MMP26: variants seen among roughly 807,000 people sequenced by gnomAD.
MMP26 encodes the protein matrix metallopeptidase 26.
In MMP26, 33 loss-of-function variants were observed where a neutral mutation model predicts 31.0. The observed-to-expected ratio is 1.06, with a 90% CI of 0.81 to 1.42. The LOEUF (loss-of-function observed/expected upper bound fraction) is 1.42, where lower values mean the gene tolerates loss of function less well. Among genes scored for constraint, MMP26 ranks in the 40% most tolerant of loss-of-function variants. The pLI is 0.00. For missense variants in MMP26, 347 were observed against 316.1 expected (o/e 1.10, Z -0.74); for synonymous variants, 122 against 114.9 (o/e 1.06, Z -0.40).
At chr11:4,869,162 G>A (rs1850278059) in intron 2 of MMP26, among the ~76,000 whole-genome samples, 1 of 152,124 alleles carries the variant, frequency 6.6e-6, no homozygotes, top group African/African-American at 2.4e-5. Context: ...CATGGGCAAG[G>A]ACATCATGTC....
At chr11:4,789,131 T>C (rs1294599405) in intron 2 of MMP26, among the ~76,000 whole-genome samples, 1 of 152,202 alleles carries the variant, frequency 6.6e-6, no homozygotes, top group Admixed American at 6.5e-5. Flanking sequence ...TGAAAAATAG[T>C]AGTTTCTAAT....
chr11:4,804,125 C>T, intron 2 of MMP26: 2 of 1,614,062 alleles, frequency 1.2e-6, no homozygotes, highest in South Asian at 1.1e-5. Context: ...CAGAATATGG[C>T]CAACATCTTA....
rs115263833 is a variant in MMP26, at chr11:4,731,493, T to G, written c.-217+26448T>G. 5.3e-3 allele frequency among the ~76,000 whole-genome samples: 807 copies of G among 152,296 alleles called. 5 individuals carry two copies. The highest frequency in any genetic ancestry group is 0.019 in the African/African-American group (769 of 41,560). Reference sequence around the variant, plus strand: ...ATAAGGACTACGGCTAGCTAGGACATCTGGCACTGATCTGTCTGTACCCTG... The same window carrying G: ...ATAAGGACTACGGCTAGCTAGGACAGCTGGCACTGATCTGTCTGTACCCTG... On this transcript the variant is annotated intron_variant, in intron 1 of 7. Transcript: ENST00000380390.
At chr11:4,803,508 G>A in intron 2 of MMP26, 1 of 1,614,086 alleles carries the variant, frequency 6.2e-7, no homozygotes. Flanking sequence ...AAATGATGGG[G>A]TTGAGCATGG....
chr11:4,945,453 G>A (rs1324151818), intron 2 of MMP26: 2 of 152,666 alleles, frequency 1.3e-5, no homozygotes, highest in African/African-American at 2.4e-5. Flanking sequence ...GTTCCTTATT[G>A]ATTTAACTGT....
At chr11:4,798,696 G>A (rs919570510) in intron 2 of MMP26, among the ~76,000 whole-genome samples, 1 of 152,178 alleles carries the variant, frequency 6.6e-6, no homozygotes, top group Admixed American at 6.5e-5. Context: ...AGAACAGAAT[G>A]GAACAAATAC....
At chr11:4,767,802 A>C (rs1275715298) in intron 2 of MMP26, among the ~76,000 whole-genome samples, 1 of 152,124 alleles carries the variant, frequency 6.6e-6, no homozygotes, top group Non-Finnish European at 1.5e-5. Context: ...TCTTCCACCT[A>C]TCACTATTTT....
chr11:4,759,272 A>G (rs577734194), intron 1 of MMP26, among the ~76,000 whole-genome samples: 25 of 152,208 alleles, frequency 1.6e-4, no homozygotes, highest in Non-Finnish European at 3.1e-4. Context: ...AACAAAGATT[A>G]GTAAGGATTG....
intron 2 of MMP26, among the ~76,000 whole-genome samples, chr11:4,870,044 G>C (rs1002669446): frequency 6.6e-6 from 1 of 152,110 alleles, no homozygotes; most frequent in African/African-American, 2.4e-5. Context: ...GACACAGGTT[G>C]GGGAACATCA....
chr11:4,826,172 G>A (rs1014443971), intron 2 of MMP26, among the ~76,000 whole-genome samples: 17 of 152,046 alleles, frequency 1.1e-4, no homozygotes, highest in Non-Finnish European at 2.5e-4. Flanking sequence ...AAGGCCTTCC[G>A]TAAGAAGGTG....
At chr11:4,853,922 A>G (rs957764252) in intron 2 of MMP26, among the ~76,000 whole-genome samples, 8 of 152,194 alleles carry the variant, frequency 5.3e-5, no homozygotes, top group East Asian at 1.9e-4. Context: ...TAAAAAAAAA[A>G]TTCTGCACTG....
intron 2 of MMP26, among the ~76,000 whole-genome samples, chr11:4,925,148 A>G (rs189193882): frequency 1.3e-5 from 2 of 152,190 alleles, no homozygotes; most frequent in African/African-American, 4.8e-5. Context: ...TCTTAGGAGC[A>G]TAGTACAGGT....
At chr11:4,798,969 T>A (rs561635918) in intron 2 of MMP26, among the ~76,000 whole-genome samples, 52 of 152,208 alleles carry the variant, frequency 3.4e-4, no homozygotes, top group Non-Finnish European at 5.6e-4. Flanking sequence ...GAAAAGCTGA[T>A]GTACCAGGAG....
intron 2 of MMP26, among the ~76,000 whole-genome samples, chr11:4,964,070 C>T (rs772156892): frequency 1.3e-5 from 2 of 152,054 alleles, no homozygotes; most frequent in South Asian, 4.1e-4. Context: ...TGTCTCTTTA[C>T]TCTGTTGATA....
chr11:4,948,187 T>G (rs1846338162), intron 2 of MMP26, among the ~76,000 whole-genome samples: 1 of 125,268 alleles, frequency 8.0e-6, no homozygotes, highest in African/African-American at 2.7e-5. Flanking sequence ...GACTTTATGT[T>G]TAAGAATCTA....
intron 2 of MMP26, chr11:4,881,953 A>G (rs1474953251): frequency 6.2e-7 from 1 of 1,613,902 alleles, no homozygotes; most frequent in South Asian, 1.1e-5. Context: ...TCCTCACTGC[A>G]TTCCCTGGGC....
At chr11:4,709,820 G>T (rs759575717) in intron 1 of MMP26, 13 of 457,256 alleles carry the variant, frequency 2.8e-5, no homozygotes, top group African/African-American at 2.4e-4. Flanking sequence ...CCACCATGCT[G>T]GGTATTTTCT....
At chr11:4,977,710 C>A (rs1040915827) in intron 2 of MMP26, among the ~76,000 whole-genome samples, 1 of 152,004 alleles carries the variant, frequency 6.6e-6, no homozygotes, top group Non-Finnish European at 1.5e-5. Context: ...CATTCAGAAG[C>A]GACAGGTGAA....
At chr11:4,954,445 G>T (rs1846407301) in intron 2 of MMP26, among the ~76,000 whole-genome samples, 1 of 125,414 alleles carries the variant, frequency 8.0e-6, no homozygotes, top group African/African-American at 2.7e-5. Context: ...CTGGTATAGA[G>T]AGACTGAATG....
Sources: gnomAD v4.1 joint callset for allele counts (sites outside exome capture counted in the v4.1 genomes callset) on GRCh38, gnomAD v4.1.1 for gene constraint, MANE v1.5 for transcripts, NCBI Gene and HGNC (gene_info 2026-07-23, HGNC 2026-07-21) for gene names.